The following EXOC4 variants were observed in gnomAD, a reference collection of about 807,000 sequenced individuals.
The protein encoded by EXOC4 is exocyst complex component 4.
A neutral mutation model predicts 107.2 loss-of-function variants in EXOC4; 71 were observed. That is an observed-to-expected ratio of 0.66 (90% CI 0.55 to 0.81). The LOEUF (loss-of-function observed/expected upper bound fraction) is 0.81, where lower values mean the gene tolerates loss of function less well. Ranked by LOEUF, EXOC4 falls within the 30% of genes least tolerant of loss-of-function variation. The pLI, the probability that EXOC4 is intolerant of heterozygous loss-of-function variation, is 0.00. For missense variants in EXOC4, 1,108 were observed against 1,189.6 expected (o/e 0.93, Z 1.01); for synonymous variants, 456 against 441.2 (o/e 1.03, Z -0.42).
At chr7:133,455,833 A>C (rs1251808150) in intron 7 of EXOC4, among the ~76,000 whole-genome samples, 1 of 152,242 alleles carries the variant, frequency 6.6e-6, no homozygotes, top group Non-Finnish European at 1.5e-5. Flanking sequence ...TTCAAACATC[A>C]AAAGTAACAG....
At chr7:133,259,880 C>G (rs1795104111) in intron 1 of EXOC4, among the ~76,000 whole-genome samples, 1 of 152,100 alleles carries the variant, frequency 6.6e-6, no homozygotes, top group Non-Finnish European at 1.5e-5. Flanking sequence ...CATGTATATG[C>G]TAGAGTGCAC....
chr7:134,003,156 T>C (rs1247310027), intron 15 of EXOC4, among the ~76,000 whole-genome samples: 1 of 152,002 alleles, frequency 6.6e-6, no homozygotes. Flanking sequence ...ACAACATGGG[T>C]GAATATCAAA....
At chr7:133,726,259 A>G (rs899268128) in intron 10 of EXOC4, among the ~76,000 whole-genome samples, 1 of 152,224 alleles carries the variant, frequency 6.6e-6, no homozygotes, top group African/African-American at 2.4e-5. Flanking sequence ...AAAACTGAGA[A>G]AAGAAGACTG....
At chr7:133,854,331 G>C (rs562745287) in intron 11 of EXOC4, among the ~76,000 whole-genome samples, 107 of 151,628 alleles carry the variant, frequency 7.1e-4, no homozygotes, top group African/African-American at 2.4e-3. Context: ...GCACATGCTT[G>C]CCACCTCTTA....
intron 6 of EXOC4, among the ~76,000 whole-genome samples, chr7:133,368,171 G>A (rs1796287592): frequency 6.6e-6 from 1 of 152,238 alleles, no homozygotes; most frequent in African/African-American, 2.4e-5. Flanking sequence ...TTCTGGCCCA[G>A]GAGGCCATGC....
intron 17 of EXOC4, among the ~76,000 whole-genome samples, chr7:134,020,299 A>G (rs1365675814): frequency 6.6e-6 from 1 of 152,198 alleles, no homozygotes; most frequent in East Asian, 1.9e-4. Flanking sequence ...GGGCTTGGGC[A>G]TCTGCGGCTT....
intron 17 of EXOC4, among the ~76,000 whole-genome samples, chr7:134,015,967 A>G (rs1794898703): frequency 6.6e-6 from 1 of 151,878 alleles, no homozygotes; most frequent in Non-Finnish European, 1.5e-5. Flanking sequence ...ATATTTGAGA[A>G]GTGTGAAGGA....
At position 133,590,232 on chromosome 7, in the gene EXOC4, C is replaced by A. The variant is rs114601917; in HGVS notation, c.1418-39813C>A. 2.7e-3 allele frequency among the ~76,000 whole-genome samples: 416 copies of A among 152,254 alleles called. 5 individuals are homozygous for A. The highest frequency in any genetic ancestry group is 9.4e-3 in the African/African-American group (391 of 41,556). On this transcript the variant is annotated intron_variant, in intron 9 of 17. Coordinates refer to ENST00000253861, the MANE Select transcript of EXOC4 (RefSeq NM_021807.4). ...TCCTTTCTCTGCCTCCTGTGTCTAT[C>A]AATTTCACCACTCTTCCACCCAAGC...
chr7:134,073,388 G>A, the EXOC4 span, among the ~76,000 whole-genome samples: 5 of 151,574 alleles, frequency 3.3e-5, no homozygotes, highest in African/African-American at 9.7e-5. Flanking sequence ...CACACATGCC[G>A]ACTGCCCTCA....
chr7:133,300,711 A>G (rs774067951), intron 3 of EXOC4, among the ~76,000 whole-genome samples: 1 of 152,146 alleles, frequency 6.6e-6, no homozygotes, highest in African/African-American at 2.4e-5. Context: ...ATAGAGTTCT[A>G]TAAAGGCTAC....
chr7:134,038,121 G>C (rs1279547175), intron 17 of EXOC4, among the ~76,000 whole-genome samples: 1 of 152,234 alleles, frequency 6.6e-6, no homozygotes, highest in Non-Finnish European at 1.5e-5. Context: ...AGTCTGAGAA[G>C]CATGGGCTAA....
chr7:133,254,629 A>T lies in EXOC4; in HGVS notation c.86+1442A>T, dbSNP rs568841090. ...TGGCACGTATTACATATTGAATAATATTTGTTGACTTAATGAGTAAATGCC... is the reference window on the plus strand; with the variant it reads ...TGGCACGTATTACATATTGAATAATTTTTGTTGACTTAATGAGTAAATGCC... On this transcript the variant is annotated intron_variant, in intron 1 of 17. Transcript: ENST00000253861. Among the ~76,000 whole-genome samples the T allele has an allele frequency of 1.9e-3, 296 of 152,350 alleles. 2 individuals are homozygous for T. Among genetic ancestry groups the T allele is most frequent in the Non-Finnish European group, 3.3e-3 (222 of 68,032 alleles).
chr7:133,823,871 A>ATATATATATATT (rs1563014863), intron 11 of EXOC4, among the ~76,000 whole-genome samples: 1 of 14,320 alleles, frequency 7.0e-5, no homozygotes, highest in Non-Finnish European at 1.0e-4. Flanking sequence ...ATATATATAT[A>ATATATATATATT]TTATATATAT....
intron 10 of EXOC4, among the ~76,000 whole-genome samples, chr7:133,671,122 C>T (rs572771433): frequency 2.2e-4 from 33 of 152,130 alleles, no homozygotes; most frequent in Admixed American, 1.0e-3. Context: ...GGGAGTGTGT[C>T]GAAGATGACA....
intron 6 of EXOC4, among the ~76,000 whole-genome samples, chr7:133,367,396 G>T (rs1241338935): frequency 1.3e-5 from 2 of 152,150 alleles, no homozygotes; most frequent in African/African-American, 4.8e-5. Flanking sequence ...GTGGGCAGTA[G>T]AAACAAGTGC....
intron 9 of EXOC4, among the ~76,000 whole-genome samples, chr7:133,604,377 T>C (rs937221758): frequency 6.6e-6 from 1 of 152,216 alleles, no homozygotes; most frequent in Non-Finnish European, 1.5e-5. Flanking sequence ...TGCTATACTT[T>C]TATATGACTG....
chr7:134,080,822 T>A, the EXOC4 span, among the ~76,000 whole-genome samples: 1 of 152,008 alleles, frequency 6.6e-6, no homozygotes, highest in Non-Finnish European at 1.5e-5. Flanking sequence ...AGTACCCACC[T>A]GTAGTCTCAG....
In EXOC4 at chr7:133,997,601, C is replaced by T; in HGVS notation, c.2316C>T (p.Asp772=). Reference sequence around the variant, plus strand: ...CCAAATCGTTCCAGGATATGGCTGACCGCTGCTTGCTTGTCTTACATCTGG... The same window carrying T: ...CCAAATCGTTCCAGGATATGGCTGATCGCTGCTTGCTTGTCTTACATCTGG... The part of the protein sequence containing the change: ...ELAKSFQDMA[D]RCLLVLHLEV... Residue 772 remains aspartate (D), a synonymous_variant, in exon 15 of 18, where the codon GAC becomes GAT. Coordinates refer to ENST00000253861, the MANE Select transcript of EXOC4 (RefSeq NM_021807.4). The T allele has an allele frequency of 6.2e-7, 1 of 1,613,508 alleles. No individual in the cohort carries two copies. Among genetic ancestry groups the T allele is most frequent in the South Asian group, 1.1e-5 (1 of 91,042 alleles).
At chr7:134,013,758 G>A (rs894779074) in intron 17 of EXOC4, among the ~76,000 whole-genome samples, 2 of 152,110 alleles carry the variant, frequency 1.3e-5, no homozygotes, top group African/African-American at 4.8e-5. Context: ...ATATACAGGT[G>A]GCTAATTCAT....
Sources: allele counts gnomAD v4.1 joint callset (sites outside exome capture counted in the v4.1 genomes callset), GRCh38; gene constraint gnomAD v4.1.1; transcripts MANE v1.5; gene names NCBI Gene and HGNC (gene_info 2026-07-23, HGNC 2026-07-21).